CDK14: variants seen among roughly 807,000 people sequenced by gnomAD.
CDK14 encodes cyclin dependent kinase 14.
In CDK14, 34 loss-of-function variants were observed where a neutral mutation model predicts 60.7. That is an observed-to-expected ratio of 0.56 (90% CI 0.43 to 0.75). CDK14 has a LOEUF of 0.75. Ranked by LOEUF, CDK14 falls within the 30% of genes least tolerant of loss-of-function variation. CDK14 has a pLI of 0.00. For missense variants in CDK14, 482 were observed against 564.1 expected, an observed-to-expected ratio of 0.85 and a Z score of 1.47; for synonymous variants, 197 against 203.7, an observed-to-expected ratio of 0.97 and a Z score of 0.28.
At chr7:91,088,170 G>C (rs1436401244) in intron 12 of CDK14, among the ~76,000 whole-genome samples, 1 of 152,206 alleles carries the variant, frequency 6.6e-6, no homozygotes, top group Non-Finnish European at 1.5e-5. Context: ...GCATTTAAAG[G>C]GGGAAGGTAG....
At chr7:90,836,163 A>G (rs906476712) in intron 5 of CDK14, among the ~76,000 whole-genome samples, 1 of 152,164 alleles carries the variant, frequency 6.6e-6, no homozygotes, top group African/African-American at 2.4e-5. Flanking sequence ...ATTTATTTTA[A>G]AAACTTTTTC....
chr7:91,176,755 C>G (rs1477122729), intron 14 of CDK14, among the ~76,000 whole-genome samples: 5 of 150,220 alleles, frequency 3.3e-5, no homozygotes, highest in Non-Finnish European at 7.4e-5. Context: ...CAAGACTAAA[C>G]CAGGAAAAAG....
chr7:90,711,882 A>ACGTTTTT lies in CDK14; in HGVS notation c.124-14685_124-14684insCGTTTTT, dbSNP rs1408956904. 1.4e-4 allele frequency among the ~76,000 whole-genome samples: 15 copies of ACGTTTTT among 110,820 alleles called. 5 individuals are homozygous for ACGTTTTT. Among genetic ancestry groups the ACGTTTTT allele is most frequent in the African/African-American group, 1.0e-4 (3 of 29,952 alleles). 72.7% of individuals were successfully genotyped at this position (110,820 alleles called of 152,430 possible). On this transcript the variant is annotated intron_variant, in intron 2 of 14. Coordinates refer to ENST00000380050, the MANE Select transcript of CDK14 (RefSeq NM_001287135.2). Reference sequence around the variant, plus strand: ...GTTCTTATGGAACTTATAGTCTACTATGTTTTTTTTTTTTTTTTTCAATTG... The same window carrying ACGTTTTT: ...GTTCTTATGGAACTTATAGTCTACTACGTTTTTTGTTTTTTTTTTTTTTTTTCAATTG...
At chr7:91,120,724 A>G (rs1799760220) in intron 14 of CDK14, among the ~76,000 whole-genome samples, 1 of 152,054 alleles carries the variant, frequency 6.6e-6, no homozygotes, top group African/African-American at 2.4e-5. Flanking sequence ...TTTAGTAGAG[A>G]CGGGGTTTTG....
intron 2 of CDK14, among the ~76,000 whole-genome samples, chr7:90,643,617 C>T (rs778475016): frequency 1.3e-5 from 2 of 152,116 alleles, no homozygotes; most frequent in African/African-American, 4.8e-5. Flanking sequence ...TTCTCATGCC[C>T]AAGCTCTTTC....
intron 12 of CDK14, among the ~76,000 whole-genome samples, chr7:91,095,295 A>G (rs116697448): frequency 0.024 from 3,629 of 152,336 alleles, 140 homozygotes; most frequent in African/African-American, 0.08. Flanking sequence ...TATTTGTTGA[A>G]GAATGAAAGT....
intron 5 of CDK14, among the ~76,000 whole-genome samples, chr7:90,851,822 T>TTTA (rs775032877): frequency 9.9e-4 from 151 of 152,146 alleles, no homozygotes; most frequent in Non-Finnish European, 1.8e-3. Flanking sequence ...TGCTAATTTA[T>TTTA]TTATTATTAT....
At chr7:90,674,096 G>T (rs1801151816) in intron 2 of CDK14, among the ~76,000 whole-genome samples, 2 of 150,938 alleles carry the variant, frequency 1.3e-5, no homozygotes, top group Admixed American at 6.6e-5. Flanking sequence ...ATAGTCTATT[G>T]TTCATAATGA....
intron 14 of CDK14, among the ~76,000 whole-genome samples, chr7:91,205,797 A>AT (rs796992966): frequency 2.7e-4 from 41 of 151,766 alleles, no homozygotes; most frequent in African/African-American, 8.0e-4. Flanking sequence ...TTTTATTTTT[A>AT]TTTTTTTTAT....
chr7:90,784,435 G>T lies in CDK14; in HGVS notation c.465-6138G>T, dbSNP rs552439301. Reference sequence around the variant, plus strand: ...GGATATGGAAAGTTCTCAACAAAAAGAAATGATAAATGGTTGAGGTGGTGG... The same window carrying T: ...GGATATGGAAAGTTCTCAACAAAAATAAATGATAAATGGTTGAGGTGGTGG... On this transcript the variant is annotated intron_variant, in intron 4 of 14. Coordinates refer to ENST00000380050, the MANE Select transcript of CDK14 (RefSeq NM_001287135.2). 3.3e-5 allele frequency among the ~76,000 whole-genome samples: 5 copies of T among 152,258 alleles called. No homozygotes were observed. In the East Asian group the frequency reaches 5.8e-4, roughly 18 times the overall value.
intron 8 of CDK14, among the ~76,000 whole-genome samples, chr7:90,950,675 A>G (rs1468012412): frequency 6.6e-6 from 1 of 152,134 alleles, no homozygotes; most frequent in Non-Finnish European, 1.5e-5. Flanking sequence ...GAGACAGGAG[A>G]AATGTTCAAT....
chr7:91,015,931 G>A (rs1348855969), intron 10 of CDK14, among the ~76,000 whole-genome samples: 1 of 151,998 alleles, frequency 6.6e-6, no homozygotes, highest in Non-Finnish European at 1.5e-5. Context: ...GGGATTTTGG[G>A]GTTGACATGT....
chr7:90,722,472 T>TG (rs1802493434), intron 2 of CDK14, among the ~76,000 whole-genome samples: 2 of 152,198 alleles, frequency 1.3e-5, no homozygotes, highest in South Asian at 4.1e-4. Flanking sequence ...TCCCAAATGC[T>TG]GGGACTACAG....
chr7:90,963,121 G>GTGTT (rs1554392807), intron 9 of CDK14, among the ~76,000 whole-genome samples: 9 of 142,232 alleles, frequency 6.3e-5, no homozygotes, highest in East Asian at 2.0e-4. Flanking sequence ...GTGTGTGTGT[G>GTGTT]TGTTTTAATT....
At chr7:91,177,474 A>G (rs1301162274) in intron 14 of CDK14, among the ~76,000 whole-genome samples, 3 of 152,010 alleles carry the variant, frequency 2.0e-5, no homozygotes, top group East Asian at 3.9e-4. Context: ...ATCAGGCAGG[A>G]GAAGGAAATA....
intron 2 of CDK14, among the ~76,000 whole-genome samples, chr7:90,656,845 CA>C (rs939967626): frequency 1.3e-4 from 20 of 152,000 alleles, no homozygotes; most frequent in African/African-American, 4.6e-4. Context: ...AGATCATAAA[CA>C]TGAAGTTTTT....
intron 4 of CDK14, among the ~76,000 whole-genome samples, chr7:90,762,038 C>T (rs916143165): frequency 8.2e-4 from 125 of 151,894 alleles, no homozygotes; most frequent in African/African-American, 2.9e-3. Context: ...GAATTAAGAC[C>T]GAGAGTAGTG....
At chr7:90,879,058 A>G (rs1791656579) in intron 6 of CDK14, among the ~76,000 whole-genome samples, 1 of 152,198 alleles carries the variant, frequency 6.6e-6, no homozygotes, top group African/African-American at 2.4e-5. Flanking sequence ...TGGCCAGGTG[A>G]CTTGCTTTGG....
intron 4 of CDK14, among the ~76,000 whole-genome samples, chr7:90,778,846 A>ATCTT (rs1554335028): frequency 7.8e-6 from 1 of 127,864 alleles, no homozygotes; most frequent in East Asian, 2.4e-4. Flanking sequence ...AAATTGACCG[A>ATCTT]CCTTCCTTCC....
Sources: allele counts gnomAD v4.1 joint callset (sites outside exome capture counted in the v4.1 genomes callset), GRCh38; gene constraint gnomAD v4.1.1; transcripts MANE v1.5; gene names NCBI Gene and HGNC (gene_info 2026-07-23, HGNC 2026-07-21).